DNAH17: variants seen among roughly 807,000 people sequenced by gnomAD.
The protein encoded by DNAH17 is axonemal beta dynein heavy chain 17.
In DNAH17, 376 loss-of-function variants were observed where a neutral mutation model predicts 485.6. That is an observed-to-expected ratio of 0.77 (90% CI 0.71 to 0.84). The LOEUF is 0.84. Among genes scored for constraint, DNAH17 ranks in the 40% least tolerant of loss-of-function variants. DNAH17 has a pLI of 0.00. For synonymous variants in DNAH17, 3,031 were observed against 2,405.9 expected, an observed-to-expected ratio of 1.26 and a Z score of -7.60; for missense variants, 6,370 against 5,839.3, an observed-to-expected ratio of 1.09 and a Z score of -2.96.
chr17:78,492,868 T>TTTTTTTTTTTTTTA (rs1568147152), intron 41 of DNAH17, 103 bp from the exon 42 acceptor site: 1 of 988,066 alleles, frequency 1.0e-6, no homozygotes. Context: ...TTTTTTTTTT[T>TTTTTTTTTTTTTTA]GAGATGGAGT....
intron 71 of DNAH17, among the ~76,000 whole-genome samples, chr17:78,443,223 G>A (rs998609405): frequency 4.6e-5 from 7 of 152,200 alleles, no homozygotes; most frequent in Non-Finnish European, 4.4e-5. Flanking sequence ...TCCTCTAGAC[G>A]AGGAATCGGA....
chr17:78,425,422 C>T lies in DNAH17; in HGVS notation c.13065G>A (p.Glu4355=), dbSNP rs147179134. The change falls in exon 80 of 81, where the codon GAG becomes GAA. Residue 4355 remains glutamate, a synonymous_variant. Coordinates refer to ENST00000389840, the MANE Select transcript of DNAH17 (RefSeq NM_173628.4). ...TGTCCTCTCGGTTTTTCTTGGTCAC[C>T]TCGACAGACAGACACATCTTGTCCA... ...WPLDKMCLSV[E]VTKKNREDMT... 42 of 1,613,970 alleles carry T rather than the reference C, an allele frequency of 2.6e-5. No homozygotes were observed. In the African/African-American group the frequency reaches 3.7e-4, roughly 14 times the overall value.
intron 63 of DNAH17, 84 bp from the exon 64 acceptor site, chr17:78,454,789 C>T: frequency 8.0e-7 from 1 of 1,252,026 alleles, no homozygotes; most frequent in South Asian, 1.4e-5. Context: ...AATGCTCTGT[C>T]TGGTGCTGCG....
intron 57 of DNAH17, 95 bp from the exon 58 acceptor site, chr17:78,461,803 G>T: frequency 8.0e-7 from 1 of 1,242,542 alleles, no homozygotes; most frequent in Non-Finnish European, 1.1e-6. Flanking sequence ...CCACAGAGGG[G>T]CAGAACGGCA....
chr17:78,565,368 T>C (rs1247957793), intron 11 of DNAH17, among the ~76,000 whole-genome samples: 1 of 152,250 alleles, frequency 6.6e-6, no homozygotes, highest in African/African-American at 2.4e-5. Context: ...AAGACTTACT[T>C]GATCCTTAAT....
chr17:78,461,398 G>A, intron 58 of DNAH17, 146 bp downstream of exon 58: 1 of 841,160 alleles, frequency 1.2e-6, no homozygotes, highest in Non-Finnish European at 1.7e-6. Flanking sequence ...TCCTTCGGGG[G>A]TCCCACTGGT....
chr17:78,525,280 G>A (rs2091037731), intron 24 of DNAH17, 119 bp from the exon 25 acceptor site: 1 of 1,402,982 alleles, frequency 7.1e-7, no homozygotes, highest in African/African-American at 1.4e-5. Flanking sequence ...TCTGGGAGGA[G>A]GTGTCCATAC....
intron 11 of DNAH17, among the ~76,000 whole-genome samples, chr17:78,562,395 G>T (rs2092176056): frequency 6.6e-6 from 1 of 151,964 alleles, no homozygotes; most frequent in Admixed American, 6.6e-5. Flanking sequence ...ACCAGCCTGG[G>T]CAACACAGCA....
intron 26 of DNAH17, among the ~76,000 whole-genome samples, chr17:78,511,732 T>A (rs1428322058): frequency 1.3e-5 from 2 of 152,228 alleles, no homozygotes; most frequent in East Asian, 3.8e-4. Context: ...GAACCTTGCA[T>A]CTCTAATCAC....
Position 78,479,516 on chromosome 17 carries a change from C to A in DNAH17, c.7869G>T (p.Arg2623Ser). Residue 2623 changes from arginine (R) to serine (S), a missense_variant, in exon 50 of 81, where the codon AGG becomes AGT. Coordinates refer to ENST00000389840, the MANE Select transcript of DNAH17 (RefSeq NM_173628.4). ...AFRSVSMAIQ[R>S]ISSQLVAAAL... is the part of the protein sequence containing the mutation. ...CCGCGGCCACCAGCTGGCTGCTTAT[C>A]CTCTGGATAGCCATGGAGACCGAGC... 6.2e-7 allele frequency: 1 copy of A among 1,613,272 alleles called. No homozygotes were observed. The highest frequency in any genetic ancestry group is 1.1e-5 in the South Asian group (1 of 91,052).
chr17:78,568,043 G>C (rs146936326), intron 9 of DNAH17, among the ~76,000 whole-genome samples: 1,550 of 152,270 alleles, frequency 0.01, 66 homozygotes, highest in Admixed American at 0.089. Flanking sequence ...ACCCCGAGGA[G>C]ACAGGCACCG....
chr17:78,515,999 A>C (rs1050276322), intron 25 of DNAH17, among the ~76,000 whole-genome samples: 4 of 152,236 alleles, frequency 2.6e-5, no homozygotes, highest in Non-Finnish European at 5.9e-5. Flanking sequence ...GTGAAGCTGG[A>C]AACTGCTAGT....
At position 78,537,547 on chromosome 17, in the gene DNAH17, CT is replaced by C; in HGVS notation, c.2677-67del. 2.0e-6 allele frequency: 3 copies of C among 1,530,148 alleles called. 1 individual carries two copies. The South Asian group carries it at 3.5e-5, about 18-fold the overall frequency. 94.8% of individuals were successfully genotyped at this position (1,530,148 alleles called of 1,614,324 possible). A position where few individuals can be genotyped will look rare whatever the true frequency, so the allele number is the denominator to read the frequency against. ...CCTCCATCGGATGATTCTCAGTGCC[CT>C]GATCATCCACTCCGTACCATCAATG... On this transcript the variant is annotated intron_variant, in intron 18 of 80. Transcript: ENST00000389840.
intron 26 of DNAH17, 186 bp from the exon 27 acceptor site, chr17:78,510,692 C>T (rs939840826): frequency 1.4e-6 from 1 of 706,730 alleles, no homozygotes; most frequent in Non-Finnish European, 2.3e-6. Flanking sequence ...CCAAGCCTCA[C>T]CTTCCTTCCC....
rs1297875976 is a variant in DNAH17 at position 78,566,634 on chromosome 17, A to G, written c.1549T>C (p.Cys517Arg). The change falls in exon 11 of 81, where the codon TGT (cysteine) becomes CGT (arginine). Residue 517 changes from cysteine to arginine, a missense_variant. Cys to Arg is a radical substitution (Grantham distance 180, BLOSUM62 -3). Coordinates refer to ENST00000389840, the MANE Select transcript of DNAH17 (RefSeq NM_173628.4). ...CTTACCTTTGCGGAGGACTTGATAC[A>G]GCTGCAGTCATCAAATCCTTGGCAA... ...IFCQGFDDCS[C>R]IKSSAKLLYM... 1 of 1,608,490 alleles carries G rather than the reference A, an allele frequency of 6.2e-7. No individual in the cohort carries two copies. The highest frequency in any genetic ancestry group is 2.2e-5 in the East Asian group (1 of 44,778).
chr17:78,423,735 C>T lies in DNAH17; in HGVS notation c.*171G>A. On this transcript the variant is annotated 3_prime_UTR_variant, in exon 81 of 81. Transcript: ENST00000389840. ...TGGCTTTAATCTGCCCCACCTCTTCCACACCAACCTCCACCCTCTGGTTCC... is the reference window on the plus strand; with the variant it reads ...TGGCTTTAATCTGCCCCACCTCTTCTACACCAACCTCCACCCTCTGGTTCC... 1 of 859,892 alleles carries T rather than the reference C, an allele frequency of 1.2e-6. No homozygotes were observed. Among genetic ancestry groups the T allele is most frequent in the Non-Finnish European group, 1.8e-6 (1 of 561,062 alleles). The allele number at this position is 859,892 out of a possible 1,614,324, so 53.3% of individuals were successfully genotyped here. A position where few individuals can be genotyped will look rare whatever the true frequency, so the allele number is the denominator to read the frequency against.
intron 54 of DNAH17, among the ~76,000 whole-genome samples, chr17:78,473,952 G>A (rs1039283580): frequency 2.6e-5 from 4 of 152,196 alleles, no homozygotes; most frequent in Non-Finnish European, 5.9e-5. Context: ...AGAGGACAGG[G>A]CTGTGTTCAG....
chr17:78,484,419 CA>C (rs2089493301), intron 48 of DNAH17, among the ~76,000 whole-genome samples: 1 of 152,142 alleles, frequency 6.6e-6, no homozygotes. Flanking sequence ...AGCTGTGCAC[CA>C]TCTCCCCAGG....
chr17:78,533,657 T>G (rs964304419), intron 19 of DNAH17, among the ~76,000 whole-genome samples: 1 of 152,152 alleles, frequency 6.6e-6, no homozygotes, highest in African/African-American at 2.4e-5. Flanking sequence ...TTAATCACAT[T>G]TTTATTGTCT....
Sources: gnomAD v4.1 joint callset for allele counts (sites outside exome capture counted in the v4.1 genomes callset) on GRCh38, gnomAD v4.1.1 for gene constraint, MANE v1.5 for transcripts, NCBI Gene and HGNC (gene_info 2026-07-23, HGNC 2026-07-21) for gene names.